SPEM3: variants seen among roughly 807,000 people sequenced by gnomAD.
SPEM3 encodes the protein uncharacterized protein SPEM3.
chr17:7,429,016 C>A lies in SPEM3; in HGVS notation c.114C>A (p.Asn38Lys). The change falls in exon 1 of 3, where the codon AAC (asparagine) becomes AAA (lysine). Residue 38 changes from asparagine (N) to lysine (K), a missense_variant. By Grantham distance (94) the Asn-to-Lys change is moderately conservative. Transcript: ENST00000636696. This position sits in a 1 kb window ranked among gnomAD's most constrained non-coding sequence, Gnocchi z 4.9. ...TTCTGGGCAGCTTCATCTTGCTCAA[C>A]GTGTGGATCAATGTGGTGACTCTGG... ...LLLLGSFILLNVWINVVTLLW... is the reference protein window; with the variant it reads ...LLLLGSFILLKVWINVVTLLW... 1 of 399,088 alleles carries A rather than the reference C, an allele frequency of 2.5e-6. No homozygotes were observed. Among genetic ancestry groups the A allele is most frequent in the Non-Finnish European group, 4.4e-6 (1 of 226,228 alleles). The allele number at this position is 399,088 out of a possible 1,614,324, so 24.7% of individuals were successfully genotyped here.
Position 7,430,171 on chromosome 17 carries a change from G to C in SPEM3, c.1000G>C (p.Ala334Pro). The C allele has an allele frequency of 2.4e-6, 1 of 415,840 alleles. No individual in the cohort carries two copies. 25.8% of individuals were successfully genotyped at this position (415,840 alleles called of 1,614,324 possible). Residue 334 changes from alanine (A) to proline (P), a missense_variant, in exon 3 of 3, where the codon GCT becomes CCT. Coordinates refer to ENST00000636696, the MANE Select transcript of SPEM3 (RefSeq NM_001364708.1). ...EHTSAHSPAQ[A>P]PMPVPAHPQA... ...CACCTCAGCCCACTCCCCAGCCCAG[G>C]CTCCTATGCCTGTCCCAGCCCACCC...
At position 7,431,248 on chromosome 17, in the gene SPEM3, G is replaced by A. The variant is rs1907823922; in HGVS notation, c.2077G>A (p.Ala693Thr). 1.3e-5 allele frequency: 5 copies of A among 398,442 alleles called. No homozygotes were observed. The highest frequency in any genetic ancestry group is 2.2e-5 in the Non-Finnish European group (5 of 226,082). The allele number at this position is 398,442 out of a possible 1,614,324, so 24.7% of individuals were successfully genotyped here. ...CAGAGTTCCCAGGAATCTGGACCTT[G>A]CCCAAAACCCAGACCTCTACAAGAA... Reference protein sequence around the residue: ...DSRVPRNLDLAQNPDLYKNPG... With the variant: ...DSRVPRNLDLTQNPDLYKNPG... The change falls in exon 3 of 3, where the codon GCC becomes ACC. Residue 693 changes from alanine (A) to threonine (T), a missense_variant. Transcript: ENST00000636696.
In SPEM3 at chr17:7,430,789, C is replaced by T. The variant is rs1388591643; in HGVS notation, c.1618C>T (p.Pro540Ser). 1 of 398,642 alleles carries T rather than the reference C, an allele frequency of 2.5e-6. No individual in the cohort carries two copies. The highest frequency in any genetic ancestry group is 4.4e-6 in the Non-Finnish European group (1 of 226,110). 24.7% of individuals were successfully genotyped at this position (398,642 alleles called of 1,614,324 possible). A position where few individuals can be genotyped will look rare whatever the true frequency, so the allele number is the denominator to read the frequency against. Residue 540 changes from proline (P) to serine (S), a missense_variant, in exon 3 of 3, where the codon CCT becomes TCT. Coordinates refer to ENST00000636696, the MANE Select transcript of SPEM3 (RefSeq NM_001364708.1). Reference protein sequence around the residue: ...KDKFPQTKTSPYCSFHPCSSE... With the variant: ...KDKFPQTKTSSYCSFHPCSSE... ...TAAGTTCCCCCAGACCAAGACTTCC[C>T]CTTACTGCAGCTTCCATCCTTGCAG...
chr17:7,432,222 C>A lies in SPEM3; in HGVS notation c.3051C>A (p.Pro1017=). The A allele has an allele frequency of 5.0e-6, 2 of 398,742 alleles. No homozygotes were observed. Among genetic ancestry groups the A allele is most frequent in the Non-Finnish European group, 8.8e-6 (2 of 226,158 alleles). 24.7% of individuals were successfully genotyped at this position (398,742 alleles called of 1,614,324 possible). The change falls in exon 3 of 3, where the codon CCC becomes CCA. Residue 1017 remains proline (P), a synonymous_variant. Transcript: ENST00000636696. This position sits in a 1 kb window ranked among gnomAD's most constrained non-coding sequence, Gnocchi z 4.1. ...PYKSSCLIPD[P]SLYKNPSPAL... Reference sequence around the variant, plus strand: ...AGAGCTCATGCCTCATCCCAGATCCCAGCCTCTACAAGAACCCAAGCCCTG... The same window carrying A: ...AGAGCTCATGCCTCATCCCAGATCCAAGCCTCTACAAGAACCCAAGCCCTG...
Position 7,432,146 on chromosome 17 carries a change from A to T in SPEM3, c.2975A>T (p.Asp992Val). Residue 992 changes from aspartate (D) to valine (V), a missense_variant, in exon 3 of 3, where the codon GAC becomes GTC. Physicochemically the swap from Asp to Val is radical, Grantham distance 152 (BLOSUM62 -3). Coordinates refer to ENST00000636696, the MANE Select transcript of SPEM3 (RefSeq NM_001364708.1). The surrounding 1 kb of genome is among the most constrained non-coding windows in gnomAD (Gnocchi z 4.1). ...CATAAAGACCCAGCCCTTGTCCAAG[A>T]CTCTGGCCTCCCCAAGATTTCAGGC... ...GPHKDPALVQ[D>V]SGLPKISGLT... The T allele has an allele frequency of 2.5e-6, 1 of 397,264 alleles. No individual in the cohort carries two copies. Among genetic ancestry groups the T allele is most frequent in the Non-Finnish European group, 4.4e-6 (1 of 225,700 alleles). The allele number at this position is 397,264 out of a possible 1,614,324, so 24.6% of individuals were successfully genotyped here.
rs1907757222 is a variant in SPEM3 at position 7,429,498 on chromosome 17, C to T, written c.327C>T (p.Asp109=). 2.5e-6 allele frequency: 1 copy of T among 398,554 alleles called. No homozygotes were observed. The allele number at this position is 398,554 out of a possible 1,614,324, so 24.7% of individuals were successfully genotyped here. A position where few individuals can be genotyped will look rare whatever the true frequency, so the allele number is the denominator to read the frequency against. ...TGCTCAGGCGCGTTAACCACCTTGA[C>T]TCCTGGATACCAGACACGAACGATG... ...GFLLRRVNHL[D]SWIPDTNDEK... is the part of the protein sequence containing the mutation. Residue 109 remains aspartate, a synonymous_variant, in exon 3 of 3, where the codon GAC becomes GAT. Coordinates refer to ENST00000636696, the MANE Select transcript of SPEM3 (RefSeq NM_001364708.1). This position sits in a 1 kb window ranked among gnomAD's most constrained non-coding sequence, Gnocchi z 4.9.
chr17:7,429,815 C>T lies in SPEM3; in HGVS notation c.644C>T (p.Thr215Ile), dbSNP rs1907770993. ...APAQAQVHSPTHTPVCTPTHP... is the reference protein window; with the variant it reads ...APAQAQVHSPIHTPVCTPTHP... ...GCTCAGGCCCAGGTCCACTCCCCAA[C>T]CCACACTCCTGTGTGCACCCCAACC... Residue 215 changes from threonine to isoleucine, a missense_variant, in exon 3 of 3, where the codon ACC becomes ATC. Transcript: ENST00000636696. The surrounding 1 kb of genome is among the most constrained non-coding windows in gnomAD (Gnocchi z 4.9). 2.2e-5 allele frequency: 9 copies of T among 400,920 alleles called. No homozygotes were observed. The East Asian group carries it at 3.2e-4, about 14-fold the overall frequency. The allele number at this position is 400,920 out of a possible 1,614,324, so 24.8% of individuals were successfully genotyped here.
rs1409796627 is a variant in SPEM3, at chr17:7,430,068, T to C, written c.897T>C (p.His299=). Reference sequence around the variant, plus strand: ...AGGCCTCAGCTCACACTAAAGCCCATACGTCAGCCCAGGCCCAAACCCACT... The same window carrying C: ...AGGCCTCAGCTCACACTAAAGCCCACACGTCAGCCCAGGCCCAAACCCACT... ...PAKASAHTKA[H]TSAQAQTHSP... Residue 299 remains histidine, a synonymous_variant, in exon 3 of 3, where the codon CAT becomes CAC. Coordinates refer to ENST00000636696, the MANE Select transcript of SPEM3 (RefSeq NM_001364708.1). 7.4e-6 allele frequency: 3 copies of C among 404,478 alleles called. No individual in the cohort carries two copies. The highest frequency in any genetic ancestry group is 4.5e-5 in the Admixed American group (1 of 22,132). 25.1% of individuals were successfully genotyped at this position (404,478 alleles called of 1,614,324 possible).
In SPEM3 at chr17:7,429,245, A is replaced by C; in HGVS notation, c.194A>C (p.Lys65Thr). The change falls in exon 2 of 3, where the codon AAA (lysine) becomes ACA (threonine). Residue 65 changes from lysine (K) to threonine (T), a missense_variant and splice_region_variant. Coordinates refer to ENST00000636696, the MANE Select transcript of SPEM3 (RefSeq NM_001364708.1). This position sits in a 1 kb window ranked among gnomAD's most constrained non-coding sequence, Gnocchi z 4.9. ...LRILFRHFFP[K>T]DKQPSGSHPI... ...ATTCTTTTCCGTCATTTTTTCCCCAAAGGTGAGTGGGCCCCTGTATGGGCT... is the reference window on the plus strand; with the variant it reads ...ATTCTTTTCCGTCATTTTTTCCCCACAGGTGAGTGGGCCCCTGTATGGGCT... 2.5e-6 allele frequency: 1 copy of C among 398,488 alleles called. No homozygotes were observed. Among genetic ancestry groups the C allele is most frequent in the South Asian group, 1.3e-4 (1 of 7,852 alleles). 24.7% of individuals were successfully genotyped at this position (398,488 alleles called of 1,614,324 possible).
rs572264318 is a variant in SPEM3, at chr17:7,428,980, G to A, written c.78G>A (p.Ser26=). The A allele has an allele frequency of 6.5e-4, 258 of 398,962 alleles. No individual in the cohort carries two copies. Among genetic ancestry groups the A allele is most frequent in the Non-Finnish European group, 9.0e-4 (204 of 226,158 alleles). The allele number at this position is 398,962 out of a possible 1,614,324, so 24.7% of individuals were successfully genotyped here. ...GGAAGTGCCAGGACTTAGGAGACTC[G>A]ATTCTTCTTCTTCTGGGCAGCTTCA... is the stretch of plus-strand genomic sequence containing the variant. ...NPRKCQDLGD[S]ILLLLGSFIL... Residue 26 remains serine (S), a synonymous_variant, in exon 1 of 3, where the codon TCG becomes TCA. Transcript: ENST00000636696.
In SPEM3 at chr17:7,430,029, C is replaced by T. The variant is rs75487580; in HGVS notation, c.858C>T (p.Ala286=). 3.2e-4 allele frequency: 135 copies of T among 421,764 alleles called. No homozygotes were observed. The East Asian group carries it at 4.4e-3, about 14-fold the overall frequency. The allele number at this position is 421,764 out of a possible 1,614,324, so 26.1% of individuals were successfully genotyped here. Residue 286 remains alanine (A), a synonymous_variant, in exon 3 of 3, where the codon GCC becomes GCT. Transcript: ENST00000636696. ...TPAHIQAHTP[A]PTPAKASAHT... is the part of the protein sequence containing the mutation. ...CCCACATCCAAGCTCACACCCCAGC[C>T]CCTACACCGGCCAAGGCCTCAGCTC...
Position 7,432,817 on chromosome 17 carries a change from G to T in SPEM3, c.*55G>T. ...GTGCATCAGGAATAAAGAGGCGAGA[G>T]AAATGTTCTGTGTTTGTTTGAGGAC... On this transcript the variant is annotated 3_prime_UTR_variant, in exon 3 of 3. Transcript: ENST00000636696. This position sits in a 1 kb window ranked among gnomAD's most constrained non-coding sequence, Gnocchi z 4.1. 1 of 398,070 alleles carries T rather than the reference G, an allele frequency of 2.5e-6. No homozygotes were observed. Among genetic ancestry groups the T allele is most frequent in the Non-Finnish European group, 4.4e-6 (1 of 226,072 alleles). The allele number at this position is 398,070 out of a possible 1,614,324, so 24.7% of individuals were successfully genotyped here. A position where few individuals can be genotyped will look rare whatever the true frequency, so the allele number is the denominator to read the frequency against.
At position 7,430,840 on chromosome 17, in the gene SPEM3, G is replaced by T. The variant is rs1907809197; in HGVS notation, c.1669G>T (p.Ala557Ser). 2 of 398,558 alleles carry T rather than the reference G, an allele frequency of 5.0e-6. No homozygotes were observed. The highest frequency in any genetic ancestry group is 8.8e-5 in the Admixed American group (2 of 22,714). 24.7% of individuals were successfully genotyped at this position (398,558 alleles called of 1,614,324 possible). Residue 557 changes from alanine to serine, a missense_variant, in exon 3 of 3, where the codon GCT (alanine) becomes TCT (serine). By Grantham distance (99) the Ala-to-Ser change is moderately conservative. Transcript: ENST00000636696. ...TTCTGAGAAGAACACAGACTCCCAG[G>T]CTCCATTCTACCCCAAATTCCTTGC... ...CSSEKNTDSQ[A>S]PFYPKFLAYS...
rs1264164682 is a variant in SPEM3, at chr17:7,431,625, C to G, written c.2454C>G (p.Ile818Met). ...TTGAACCAAACCAAGAGACTGTGAT[C>G]TACAAAAATCAAGATCTCTCCCAAG... ...RNLEPNQETV[I>M]YKNQDLSQAT... The change falls in exon 3 of 3, where the codon ATC (isoleucine) becomes ATG (methionine). Residue 818 changes from isoleucine (I) to methionine (M), a missense_variant. Transcript: ENST00000636696. The G allele has an allele frequency of 2.5e-6, 1 of 398,422 alleles. No homozygotes were observed. Among genetic ancestry groups the G allele is most frequent in the Non-Finnish European group, 4.4e-6 (1 of 226,080 alleles). 24.7% of individuals were successfully genotyped at this position (398,422 alleles called of 1,614,324 possible). A position where few individuals can be genotyped will look rare whatever the true frequency, so the allele number is the denominator to read the frequency against.
chr17:7,429,611 G>T lies in SPEM3; in HGVS notation c.440G>T (p.Gly147Val). Reference sequence around the variant, plus strand: ...TCTGCACGGGGACTGTACAAGGCGGGGATGATGGGCGGGGGAGAAGCCCCT... The same window carrying T: ...TCTGCACGGGGACTGTACAAGGCGGTGATGATGGGCGGGGGAGAAGCCCCT... ...RESARGLYKA[G>V]MMGGGEAPQV... The change falls in exon 3 of 3, where the codon GGG (glycine) becomes GTG (valine). Residue 147 changes from glycine to valine, a missense_variant. Coordinates refer to ENST00000636696, the MANE Select transcript of SPEM3 (RefSeq NM_001364708.1). The surrounding 1 kb of genome is among the most constrained non-coding windows in gnomAD (Gnocchi z 4.9). 2.5e-6 allele frequency: 1 copy of T among 398,712 alleles called. No individual in the cohort carries two copies. The highest frequency in any genetic ancestry group is 1.3e-4 in the South Asian group (1 of 7,890). 24.7% of individuals were successfully genotyped at this position (398,712 alleles called of 1,614,324 possible).
At position 7,429,210 on chromosome 17, in the gene SPEM3, C is replaced by T. The variant is rs1907748026; in HGVS notation, c.159C>T (p.Ser53=). Residue 53 remains serine, a synonymous_variant, in exon 2 of 3, where the codon AGC becomes AGT. Transcript: ENST00000636696. This position sits in a 1 kb window ranked among gnomAD's most constrained non-coding sequence, Gnocchi z 4.9. The part of the protein sequence containing the change: ...VVTLLWKHLK[S]SLRILFRHFF... Reference sequence around the variant, plus strand: ...TTCAGCTCTGGAAGCATCTGAAGAGCTCCTTGCGGATTCTTTTCCGTCATT... The same window carrying T: ...TTCAGCTCTGGAAGCATCTGAAGAGTTCCTTGCGGATTCTTTTCCGTCATT... 2.5e-6 allele frequency: 1 copy of T among 398,606 alleles called. No homozygotes were observed. Among genetic ancestry groups the T allele is most frequent in the Non-Finnish European group, 4.4e-6 (1 of 226,076 alleles). 24.7% of individuals were successfully genotyped at this position (398,606 alleles called of 1,614,324 possible).
In SPEM3 at chr17:7,430,830, A is replaced by G; in HGVS notation, c.1659A>G (p.Thr553=). 2.5e-6 allele frequency: 1 copy of G among 398,582 alleles called. No individual in the cohort carries two copies. The highest frequency in any genetic ancestry group is 4.4e-6 in the Non-Finnish European group (1 of 226,062). The allele number at this position is 398,582 out of a possible 1,614,324, so 24.7% of individuals were successfully genotyped here. Residue 553 remains threonine, a synonymous_variant, in exon 3 of 3, where the codon ACA becomes ACG. Transcript: ENST00000636696. ...ATCCTTGCAGTTCTGAGAAGAACAC[A>G]GACTCCCAGGCTCCATTCTACCCCA... The part of the protein sequence containing the change: ...SFHPCSSEKN[T]DSQAPFYPKF...
rs1907854811 is a variant in SPEM3, at chr17:7,432,235, A to T, written c.3064A>T (p.Asn1022Tyr). 2.5e-6 allele frequency: 1 copy of T among 398,616 alleles called. No homozygotes were observed. The highest frequency in any genetic ancestry group is 2.1e-5 in the African/African-American group (1 of 48,626). 24.7% of individuals were successfully genotyped at this position (398,616 alleles called of 1,614,324 possible). Residue 1022 changes from asparagine to tyrosine, a missense_variant, in exon 3 of 3, where the codon AAC becomes TAC. Coordinates refer to ENST00000636696, the MANE Select transcript of SPEM3 (RefSeq NM_001364708.1). The surrounding 1 kb of genome is among the most constrained non-coding windows in gnomAD (Gnocchi z 4.1). ...CATCCCAGATCCCAGCCTCTACAAG[A>T]ACCCAAGCCCTGCCCTAGGTTCTGA... ...CLIPDPSLYKNPSPALGSDFV... is the reference protein window; with the variant it reads ...CLIPDPSLYKYPSPALGSDFV...
chr17:7,431,086 T>C lies in SPEM3; in HGVS notation c.1915T>C (p.Ser639Pro), dbSNP rs1037881748. 2 of 398,630 alleles carry C rather than the reference T, an allele frequency of 5.0e-6. No homozygotes were observed. The highest frequency in any genetic ancestry group is 8.8e-6 in the Non-Finnish European group (2 of 226,264). 24.7% of individuals were successfully genotyped at this position (398,630 alleles called of 1,614,324 possible). Residue 639 changes from serine (S) to proline (P), a missense_variant, in exon 3 of 3, where the codon TCC (serine) becomes CCC (proline). Coordinates refer to ENST00000636696, the MANE Select transcript of SPEM3 (RefSeq NM_001364708.1). ...TSKSPQSILT[S>P]QFPIPSLFAT... is the part of the protein sequence containing the mutation. ...CAAGTCTCCTCAGTCCATCCTCACT[T>C]CCCAATTCCCCATCCCTTCCCTGTT...
Sources: allele counts gnomAD v4.1 joint callset, GRCh38; gene constraint gnomAD v4.1.1; non-coding constraint Gnocchi (gnomAD v3.1); transcripts MANE v1.5; gene names NCBI Gene and HGNC (gene_info 2026-07-23, HGNC 2026-07-21).